CDH26: variants seen among roughly 807,000 people sequenced by gnomAD.
CDH26 encodes the protein cadherin 26, also known as cadherin-like protein 26.
Under a neutral mutation model 90.3 loss-of-function variants are expected in CDH26, and 83 were observed. The ratio of observed to expected loss-of-function variants is 0.92; its 90% CI spans 0.77 to 1.10. The LOEUF (loss-of-function observed/expected upper bound fraction) is 1.10. Ranked by LOEUF, CDH26 falls within the 50% of genes least tolerant of loss-of-function variation. The probability of loss-of-function intolerance (pLI) is 0.00; values close to 1 mark genes in which losing one functional copy is unlikely to be tolerated. For synonymous variants in CDH26, 397 were observed against 396.3 expected, an observed-to-expected ratio of 1.00 and a Z score of -0.02; for missense variants, 1,013 against 1,037.6, an observed-to-expected ratio of 0.98 and a Z score of 0.33.
At chr20:60,001,733 A>G (rs2061679663) in intron 15 of CDH26, 4 of 660,192 alleles carry the variant, frequency 6.1e-6, no homozygotes, top group African/African-American at 3.9e-5. Flanking sequence ...AGTTAAAAGC[A>G]CAGCACTTTG....
At chr20:60,014,942 A>C (rs1198388508), downstream of CDH26, among the ~76,000 whole-genome samples, 1 of 152,190 alleles carries the variant, frequency 6.6e-6, no homozygotes, top group Non-Finnish European at 1.5e-5. Flanking sequence ...CCCTTTACTC[A>C]GCAACCTCAC....
intron 3 of CDH26, among the ~76,000 whole-genome samples, chr20:59,970,972 A>G (rs780323338): frequency 4.0e-4 from 61 of 152,120 alleles, no homozygotes; most frequent in Non-Finnish European, 7.9e-4. Flanking sequence ...GTTACTCAGA[A>G]TACCAGTTTC....
chr20:60,006,900 G>T lies in CDH26; in HGVS notation c.2295+113G>T, dbSNP rs878882659. ...TAAATCACTGCATTAGTCAGCTAAG[G>T]CTGCCATAATAAAATACCATAGCCT... On this transcript the variant is annotated intron_variant, in intron 17 of 17. Transcript: ENST00000348616. 4.5e-4 allele frequency: 341 copies of T among 757,296 alleles called. 1 individual carries two copies. The highest frequency in any genetic ancestry group is 6.8e-4 in the Non-Finnish European group (297 of 437,202). 46.9% of individuals were successfully genotyped at this position (757,296 alleles called of 1,614,324 possible).
Position 59,989,072 on chromosome 20 carries a change from C to A in CDH26, c.1192C>A (p.Pro398Thr). 2 of 1,614,168 alleles carry A rather than the reference C, an allele frequency of 1.2e-6. No homozygotes were observed. Among genetic ancestry groups the A allele is most frequent in the Non-Finnish European group, 1.7e-6 (2 of 1,180,040 alleles). Residue 398 changes from proline (P) to threonine (T), a missense_variant, in exon 9 of 18, where the codon CCC (proline) becomes ACC (threonine). Coordinates refer to ENST00000348616, the MANE Select transcript of CDH26 (RefSeq NM_177980.4). The part of the protein sequence containing the change: ...TDANDPPAFH[P>T]QSFIVNKEEG... The stretch of plus-strand genomic sequence containing the variant: ...CGCCAACGACCCACCAGCCTTTCAC[C>A]CCCAGAGCTTCATTGTCAATAAAGA...
intron 1 of CDH26, among the ~76,000 whole-genome samples, chr20:59,963,950 C>T (rs1207501344): frequency 6.6e-6 from 1 of 152,062 alleles, no homozygotes; most frequent in Non-Finnish European, 1.5e-5. Flanking sequence ...CAGACCCAAG[C>T]TGAGGACTCG....
Position 59,975,991 on chromosome 20 carries a change from A to T in CDH26, c.393+3868A>T, listed in dbSNP as rs1323752738. The stretch of plus-strand genomic sequence containing the variant: ...AAAAAGTTTCAATTTTTTTCTGTGT[A>T]TGGACCTTATCTATTTATATCAAAA... On this transcript the variant is annotated intron_variant, in intron 4 of 17. Coordinates refer to ENST00000348616, the MANE Select transcript of CDH26 (RefSeq NM_177980.4). 3.9e-5 allele frequency among the ~76,000 whole-genome samples: 6 copies of T among 152,220 alleles called. No individual in the cohort carries two copies. The South Asian group carries it at 1.2e-3, about 32-fold the overall frequency.
At chr20:60,024,353 A>G (rs984757191) in intron 7 of CDH26, among the ~76,000 whole-genome samples, 7 of 152,198 alleles carry the variant, frequency 4.6e-5, no homozygotes, top group African/African-American at 1.7e-4. Flanking sequence ...ATGCTACAGA[A>G]GGAGACTCCA....
At chr20:59,974,129 C>T (rs1186356972) in intron 4 of CDH26, among the ~76,000 whole-genome samples, 4 of 152,128 alleles carry the variant, frequency 2.6e-5, no homozygotes, top group Non-Finnish European at 5.9e-5. Context: ...TTTTAATTTT[C>T]ATTTTTCTAA....
At position 59,968,055 on chromosome 20, in the gene CDH26, C is replaced by G. The variant is rs1321690918; in HGVS notation, c.70-912C>G. 1.3e-3 allele frequency among the ~76,000 whole-genome samples: 180 copies of G among 136,134 alleles called. 4 individuals carry two copies. Among genetic ancestry groups the G allele is most frequent in the African/African-American group, 4.6e-3 (154 of 33,806 alleles). 89.3% of individuals were successfully genotyped at this position (136,134 alleles called of 152,430 possible). ...TCTCTCTCTCTCTCTCTCTCTCTGT[C>G]TCTCTCTCTCTCTCTCTCCCTCTCT... On this transcript the variant is annotated intron_variant, in intron 1 of 17. Transcript: ENST00000348616.
exon 9 of CDH26, chr20:60,033,497 A>G: frequency 7.7e-7 from 1 of 1,304,124 alleles, no homozygotes; most frequent in Non-Finnish European, 1.0e-6. Context: ...TGAGGAGAAC[A>G]AGGCTGGGAG....
intron 14 of CDH26, among the ~76,000 whole-genome samples, chr20:60,000,554 AGAGGTCTAG>A (rs2061662589): frequency 6.6e-6 from 1 of 152,194 alleles, no homozygotes; most frequent in Non-Finnish European, 1.5e-5. Flanking sequence ...GCAAACTTCT[AGAGGTCTAG>A]GTGTTGCCCT....
Position 59,994,503 on chromosome 20 carries a change from T to C in CDH26, c.1666+14T>C. The C allele has an allele frequency of 3.7e-6, 6 of 1,613,284 alleles. No homozygotes were observed. The highest frequency in any genetic ancestry group is 5.1e-6 in the Non-Finnish European group (6 of 1,179,710). ...GGAGAAATTGGGGTGAGTTTTTGTA[T>C]TGGTTACGGGCAAAGAGTGGAAAAT... On this transcript the variant is annotated intron_variant, in intron 11 of 17. Transcript: ENST00000348616.
chr20:60,011,943 A>G (rs1248098333), intron 17 of CDH26, among the ~76,000 whole-genome samples: 1 of 152,104 alleles, frequency 6.6e-6, no homozygotes, highest in East Asian at 1.9e-4. Context: ...TTAGGGATGG[A>G]TGAAGCCATG....
At chr20:60,029,157 G>T (rs1168793546) in intron 7 of CDH26, among the ~76,000 whole-genome samples, 2 of 152,172 alleles carry the variant, frequency 1.3e-5, no homozygotes, top group Non-Finnish European at 2.9e-5. Flanking sequence ...AGATAGAATG[G>T]TAGTTTCCAG....
chr20:59,982,470 A>C (rs1569035461), intron 4 of CDH26, among the ~76,000 whole-genome samples: 1 of 152,272 alleles, frequency 6.6e-6, no homozygotes. Context: ...CCATTTAAAA[A>C]TATAGCATGT....
chr20:59,959,457 C>T (rs555424380), intron 1 of CDH26, among the ~76,000 whole-genome samples: 3 of 151,610 alleles, frequency 2.0e-5, no homozygotes, highest in Non-Finnish European at 2.9e-5. Context: ...GGCTACAGTG[C>T]GTGGTGACAT....
In CDH26 at chr20:59,987,626, A is replaced by C. The variant is rs1227174398; in HGVS notation, c.1011A>C (p.Leu337Phe). The change falls in exon 8 of 18, where the codon TTA (leucine) becomes TTC (phenylalanine). Residue 337 changes from leucine to phenylalanine, a missense_variant. Transcript: ENST00000348616. ...STDPETNEGI[L>F]NVIKPLDYET... ...ACCCTGAGACCAACGAAGGGATATT[A>C]AATGTTATCAAGGTAACACCATACC... The C allele has an allele frequency of 1.9e-6, 3 of 1,611,880 alleles. No homozygotes were observed. The highest frequency in any genetic ancestry group is 2.5e-6 in the Non-Finnish European group (3 of 1,178,880).
rs1465020072 is a variant in CDH26 at position 60,020,658 on chromosome 20, G to A, written c.948-10573G>A. Reference sequence around the variant, plus strand: ...GATCTCCAGAGCATAACACACTCCAGAGTGTGGCTCTGGTCTCAGAATGGT... The same window carrying A: ...GATCTCCAGAGCATAACACACTCCAAAGTGTGGCTCTGGTCTCAGAATGGT... On this transcript the variant is annotated intron_variant, in intron 7 of 8. Transcript: ENST00000370991. Among the ~76,000 whole-genome samples the A allele has an allele frequency of 2.0e-5, 3 of 152,186 alleles. No individual in the cohort carries two copies. In the East Asian group the frequency reaches 5.8e-4, roughly 29 times the overall value.
chr20:59,980,419 C>G (rs912441895), intron 4 of CDH26, among the ~76,000 whole-genome samples: 1 of 152,014 alleles, frequency 6.6e-6, no homozygotes, highest in Non-Finnish European at 1.5e-5. Flanking sequence ...CTCAGCCTCC[C>G]GAGTAGCTGG....
Sources: allele counts gnomAD v4.1 joint callset (sites outside exome capture counted in the v4.1 genomes callset), GRCh38; gene constraint gnomAD v4.1.1; transcripts MANE v1.5; gene names NCBI Gene and HGNC (gene_info 2026-07-23, HGNC 2026-07-21).